The following RYR3 variants were observed in gnomAD, a reference collection of about 807,000 sequenced individuals.
The protein encoded by RYR3 is brain ryanodine receptor-calcium release channel.
Under a neutral mutation model 584.3 loss-of-function variants are expected in RYR3, and 207 were observed. That is an observed-to-expected ratio of 0.35 (90% CI 0.32 to 0.40). The LOEUF is 0.40. Ranked by LOEUF, RYR3 falls within the 10% of genes least tolerant of loss-of-function variation. The probability of loss-of-function intolerance (pLI) is 1.00; values close to 1 mark genes in which losing one functional copy is unlikely to be tolerated. For synonymous variants in RYR3, 2,416 were observed against 2,248.5 expected, an observed-to-expected ratio of 1.07 and a Z score of -2.11; for missense variants, 5,616 against 6,089.2, an observed-to-expected ratio of 0.92 and a Z score of 2.59.
chr15:33,783,415 G>GAATTCTAGCAGCTAACTC (rs2074504184), intron 65 of RYR3, among the ~76,000 whole-genome samples: 2 of 152,174 alleles, frequency 1.3e-5, no homozygotes, highest in African/African-American at 2.4e-5. Flanking sequence ...TTCATTCTGT[G>GAATTCTAGCAGCTAACTC]GGTTTATGCT....
intron 67 of RYR3, among the ~76,000 whole-genome samples, chr15:33,790,897 A>G (rs1247303341): frequency 2.6e-5 from 4 of 152,178 alleles, no homozygotes; most frequent in Non-Finnish European, 5.9e-5. Context: ...CAACTTCACA[A>G]AGAGTTTCCA....
intron 3 of RYR3, among the ~76,000 whole-genome samples, chr15:33,509,377 A>G (rs1349349830): frequency 6.6e-6 from 1 of 152,160 alleles, no homozygotes; most frequent in East Asian, 1.9e-4. Flanking sequence ...GGGAACCACC[A>G]CCATCCAGAT....
chr15:33,862,677 C>A (rs888851012), intron 102 of RYR3, among the ~76,000 whole-genome samples: 8 of 152,088 alleles, frequency 5.3e-5, no homozygotes, highest in Non-Finnish European at 1.0e-4. Context: ...GTGGCGCCAT[C>A]TTGGCTCACT....
At chr15:33,773,933 A>C (rs1482938340) in intron 64 of RYR3, among the ~76,000 whole-genome samples, 1 of 152,224 alleles carries the variant, frequency 6.6e-6, no homozygotes, top group African/African-American at 2.4e-5. Context: ...CACAGCTTCT[A>C]AATAGCTTCC....
intron 60 of RYR3, among the ~76,000 whole-genome samples, chr15:33,766,819 T>C (rs906834224): frequency 1.1e-4 from 16 of 152,220 alleles, no homozygotes; most frequent in Admixed American, 2.6e-4. Context: ...AGACTCTCCC[T>C]GAGATTCCTT....
rs1160460558 is a variant in RYR3, at chr15:33,689,293, C to G, written c.5861-6925C>G. Among the ~76,000 whole-genome samples the G allele has an allele frequency of 5.9e-5, 9 of 151,896 alleles. No homozygotes were observed. In the East Asian group the frequency reaches 1.7e-3, roughly 29 times the overall value. On this transcript the variant is annotated intron_variant, in intron 38 of 103. Coordinates refer to ENST00000634891, the MANE Select transcript of RYR3 (RefSeq NM_001036.6). ...GTAAATGACGAGTTGATGGGTGCAG[C>G]ACACCAACATGGCACATGTATACCT...
chr15:33,621,045 C>T (rs1316183930), intron 19 of RYR3, among the ~76,000 whole-genome samples: 2 of 152,216 alleles, frequency 1.3e-5, no homozygotes, highest in Non-Finnish European at 2.9e-5. Flanking sequence ...AATGATCAGT[C>T]TCCTTTTAAT....
At chr15:33,688,334 G>T (rs1192089282) in intron 38 of RYR3, among the ~76,000 whole-genome samples, 1 of 152,166 alleles carries the variant, frequency 6.6e-6, no homozygotes, top group East Asian at 1.9e-4. Flanking sequence ...AGCACTTTGG[G>T]AGGCTGAGGC....
intron 85 of RYR3, among the ~76,000 whole-genome samples, chr15:33,827,756 T>G (rs1270849907): frequency 6.6e-6 from 1 of 152,206 alleles, no homozygotes; most frequent in Non-Finnish European, 1.5e-5. Flanking sequence ...CAAAAAGGGA[T>G]TTTTTTCCTC....
chr15:33,576,235 T>C (rs1457664491), intron 12 of RYR3, among the ~76,000 whole-genome samples: 1 of 152,126 alleles, frequency 6.6e-6, no homozygotes, highest in African/African-American at 2.4e-5. Context: ...TTTCAAACAA[T>C]TGAAAAGGAG....
At chr15:33,500,307 A>T (rs144154811) in intron 2 of RYR3, among the ~76,000 whole-genome samples, 1 of 152,308 alleles carries the variant, frequency 6.6e-6, no homozygotes, top group East Asian at 1.9e-4. Flanking sequence ...ATGCTAGCAC[A>T]GTGCGAAGTG....
At chr15:33,550,911 C>A (rs1029319823) in intron 10 of RYR3, among the ~76,000 whole-genome samples, 2 of 152,164 alleles carry the variant, frequency 1.3e-5, no homozygotes, top group African/African-American at 2.4e-5. Flanking sequence ...TCCCTACTCC[C>A]CACATCTCTT....
At position 33,629,941 on chromosome 15, in the gene RYR3, T is replaced by A. The variant is rs375204345; in HGVS notation, c.2681T>A (p.Ile894Lys). 6.3e-7 allele frequency: 1 copy of A among 1,575,342 alleles called. No homozygotes were observed. Among genetic ancestry groups the A allele is most frequent in the Non-Finnish European group, 8.7e-7 (1 of 1,153,016 alleles). Residue 894 changes from isoleucine to lysine, a missense_variant and splice_region_variant, in exon 22 of 104, where the codon ATA becomes AAA. Physicochemically the swap from Ile to Lys is moderately radical, Grantham distance 102 (BLOSUM62 -3). Around this residue, in one of 9 missense-constraint regions of RYR3, gnomAD observed 1,284 missense variants for 1,344.6 expected, o/e 0.95. Coordinates refer to ENST00000634891, the MANE Select transcript of RYR3 (RefSeq NM_001036.6). ...ATTCTTTCTTATGTCACCACCTAGA[T>A]ACGAGATGACAATAAAAGACAACAC... ...KIELGWTFGK[I>K]RDDNKRQHPC...
chr15:33,430,032 G>C (rs1232286481), intron 1 of RYR3, among the ~76,000 whole-genome samples: 1 of 152,250 alleles, frequency 6.6e-6, no homozygotes, highest in Non-Finnish European at 1.5e-5. Context: ...AGAGGGGAAG[G>C]AGGGCACGTG....
intron 1 of RYR3, among the ~76,000 whole-genome samples, chr15:33,314,393 T>C (rs986746280): frequency 1.3e-5 from 2 of 152,156 alleles, no homozygotes; most frequent in African/African-American, 4.8e-5. Flanking sequence ...GAAGTTATGG[T>C]GAGAAGAGTG....
At chr15:33,691,188 G>A (rs927769469) in intron 38 of RYR3, among the ~76,000 whole-genome samples, 1 of 152,170 alleles carries the variant, frequency 6.6e-6, no homozygotes, top group Non-Finnish European at 1.5e-5. Flanking sequence ...ACTTTGTTAT[G>A]TAACAATTCA....
At chr15:33,425,784 G>A (rs1166811569) in intron 1 of RYR3, among the ~76,000 whole-genome samples, 2 of 151,740 alleles carry the variant, frequency 1.3e-5, no homozygotes, top group Admixed American at 6.6e-5. Flanking sequence ...TGGGACTACA[G>A]GCGCCCGCCA....
At chr15:33,723,407 T>C (rs1420842021) in intron 44 of RYR3, among the ~76,000 whole-genome samples, 2 of 152,224 alleles carry the variant, frequency 1.3e-5, no homozygotes, top group Non-Finnish European at 2.9e-5. Flanking sequence ...GTCGCAGCAC[T>C]GTAATGTTGT....
intron 1 of RYR3, among the ~76,000 whole-genome samples, chr15:33,338,850 C>G (rs1971459749): frequency 6.6e-6 from 1 of 152,040 alleles, no homozygotes; most frequent in South Asian, 2.1e-4. Context: ...AAAAAAAAGT[C>G]CTTGAAAAAT....
Sources: gnomAD v4.1 joint callset for allele counts (sites outside exome capture counted in the v4.1 genomes callset) on GRCh38, gnomAD v4.1.1 for gene constraint, gnomAD v4.1.1 regional missense constraint, MANE v1.5 for transcripts, NCBI Gene and HGNC (gene_info 2026-07-23, HGNC 2026-07-21) for gene names.